Variants in DMXL2 observed in about 807,000 individuals in gnomAD.
DMXL2 encodes Dmx like 2, also known as dmX-like protein 2.
Under a neutral mutation model 331.1 loss-of-function variants are expected in DMXL2, and 103 were observed. The ratio of observed to expected loss-of-function variants is 0.31; its 90% confidence interval spans 0.27 to 0.37. The LOEUF (loss-of-function observed/expected upper bound fraction) is 0.37, where lower values mean the gene tolerates loss of function less well. Among genes scored for constraint, DMXL2 ranks in the 10% least tolerant of loss-of-function variants. The probability of loss-of-function intolerance (pLI) is 1.00; values close to 1 mark genes in which losing one functional copy is unlikely to be tolerated. For synonymous variants in DMXL2, 1,281 were observed against 1,252.1 expected, an observed-to-expected ratio of 1.02 and a Z score of -0.49; for missense variants, 3,171 against 3,642.9, an observed-to-expected ratio of 0.87 and a Z score of 3.33.
chr15:51,466,922 TAAAC>T (rs1225525722), intron 29 of DMXL2, among the ~76,000 whole-genome samples: 6 of 152,018 alleles, frequency 3.9e-5, no homozygotes, highest in African/African-American at 1.4e-4. Flanking sequence ...TAGTGGATAT[TAAAC>T]TAAGTAAGAA....
Position 51,553,824 on chromosome 15 carries a change from T to A in DMXL2, c.568-6416A>T, listed in dbSNP as rs192789540. Among the ~76,000 whole-genome samples, 6 of 152,076 alleles carry A rather than the reference T, an allele frequency of 3.9e-5. No homozygotes were observed. The East Asian group carries it at 1.2e-3, about 29-fold the overall frequency. ...AAAAGAGTAGAGTATACAATACCTA[T>A]AACATACAAAATGTGTTAATTTATT... On this transcript the variant is annotated intron_variant, in intron 6 of 43. Coordinates refer to ENST00000560891, the MANE Select transcript of DMXL2 (RefSeq NM_001378457.1).
In DMXL2 at chr15:51,542,524, G is replaced by C. The variant is rs2048656314; in HGVS notation, c.931-17C>G. The C allele has an allele frequency of 6.3e-7, 1 of 1,594,050 alleles. No homozygotes were observed. On this transcript the variant is annotated splice_polypyrimidine_tract_variant and intron_variant, in intron 8 of 43. Transcript: ENST00000560891. ...GTGTATTGTCTAAAATAGAAAAATA[G>C]TTGCTGAGTCCAACTCTGGAACCTC...
At chr15:51,587,806 T>C (rs934019159) in intron 1 of DMXL2, among the ~76,000 whole-genome samples, 2 of 152,196 alleles carry the variant, frequency 1.3e-5, no homozygotes, top group African/African-American at 4.8e-5. Flanking sequence ...GTGTTCCTAT[T>C]TCTCCACATC....
intron 31 of DMXL2, 94 bp from the exon 32 acceptor site, chr15:51,464,970 C>A: frequency 9.0e-7 from 1 of 1,106,970 alleles, no homozygotes. Context: ...GATAATACTT[C>A]TGAAAATACA....
chr15:51,616,390 C>A (rs2054287055), intron 1 of DMXL2, among the ~76,000 whole-genome samples: 1 of 152,068 alleles, frequency 6.6e-6, no homozygotes, highest in African/African-American at 2.4e-5. Flanking sequence ...AACCCACACA[C>A]ACAAAAATAA....
Position 51,466,183 on chromosome 15 carries a change from C to A in DMXL2, c.7520+1G>T. 1 of 1,553,434 alleles carries A rather than the reference C, an allele frequency of 6.4e-7. No individual in the cohort carries two copies. The highest frequency in any genetic ancestry group is 8.6e-7 in the Non-Finnish European group (1 of 1,159,974). On this transcript the variant is annotated splice_donor_variant, in intron 30 of 43. Transcript: ENST00000560891. LOFTEE classifies it high-confidence loss of function. ...ATGAGAGAAAGAAAAGTCTTATTTA[C>A]CTATAGGAATTTGGATCTTGGTGCT... is the stretch of plus-strand genomic sequence containing the variant.
chr15:51,587,648 T>A (rs545163122), intron 1 of DMXL2, among the ~76,000 whole-genome samples: 1 of 152,222 alleles, frequency 6.6e-6, no homozygotes, highest in African/African-American at 2.4e-5. Flanking sequence ...TGTGTCTTTA[T>A]AGCAGCATGA....
intron 23 of DMXL2, 58 bp from the exon 24 acceptor site, chr15:51,481,681 C>G: frequency 7.0e-7 from 1 of 1,430,142 alleles, no homozygotes; most frequent in Non-Finnish European, 9.4e-7. Flanking sequence ...ATTTACATTA[C>G]AAAACAATAA....
intron 3 of DMXL2, chr15:51,568,144 TCTC>T (rs937835377): frequency 1.6e-5 from 3 of 191,660 alleles, no homozygotes; most frequent in African/African-American, 7.1e-5. Context: ...AATGTCATGA[TCTC>T]CTCTGTTGAG....
intron 6 of DMXL2, among the ~76,000 whole-genome samples, chr15:51,559,636 G>A (rs62015963): frequency 6.0e-4 from 92 of 152,176 alleles, no homozygotes; most frequent in South Asian, 1.7e-3. Context: ...CAGGAGGATC[G>A]CTTGAGCCCA....
intron 17 of DMXL2, among the ~76,000 whole-genome samples, chr15:51,500,583 T>C (rs1216140041): frequency 6.6e-6 from 1 of 152,194 alleles, no homozygotes; most frequent in Non-Finnish European, 1.5e-5. Context: ...CTTCACAACA[T>C]GCCTCCTTAG....
At chr15:51,451,743 A>T in intron 41 of DMXL2, 46 bp from the exon 42 acceptor site, 6 of 1,521,104 alleles carry the variant, frequency 3.9e-6, no homozygotes, top group East Asian at 2.3e-5. Context: ...AATGATTGTT[A>T]TAAGTCGTCA....
intron 6 of DMXL2, among the ~76,000 whole-genome samples, chr15:51,557,138 T>C (rs972039378): frequency 6.6e-6 from 1 of 152,164 alleles, no homozygotes; most frequent in African/African-American, 2.4e-5. Flanking sequence ...ATTGTGTACA[T>C]ATAAAATCCA....
At chr15:51,457,696 T>G in intron 36 of DMXL2, 1 of 423,152 alleles carries the variant, frequency 2.4e-6, no homozygotes, top group African/African-American at 2.0e-5. Flanking sequence ...ACTTTATTGC[T>G]GCACAAGTTG....
intron 33 of DMXL2, among the ~76,000 whole-genome samples, chr15:51,461,836 G>A (rs1279223457): frequency 6.6e-6 from 1 of 152,096 alleles, no homozygotes; most frequent in Non-Finnish European, 1.5e-5. Flanking sequence ...CACTATGCCT[G>A]GCTAAAATCT....
At chr15:51,579,820 T>C (rs2051288847) in intron 1 of DMXL2, among the ~76,000 whole-genome samples, 1 of 152,122 alleles carries the variant, frequency 6.6e-6, no homozygotes. Context: ...ACCAAAGCCT[T>C]CCTTATAATT....
Position 51,449,112 on chromosome 15 carries a change from C to T in DMXL2, c.9049G>A (p.Ala3017Thr). ...AKQSIFRNIG[A>T]GVMQIDIIQG... ...ATGATGTCAATCTGCATGACTCCAG[C>T]CCCAATGTTTCGAAATATGGACTGC... Residue 3017 changes from alanine to threonine, a missense_variant, in exon 44 of 44, where the codon GCT becomes ACT. Coordinates refer to ENST00000560891, the MANE Select transcript of DMXL2 (RefSeq NM_001378457.1). The T allele has an allele frequency of 6.2e-7, 1 of 1,614,148 alleles. No individual in the cohort carries two copies. The highest frequency in any genetic ancestry group is 1.1e-5 in the South Asian group (1 of 91,080).
intron 33 of DMXL2, chr15:51,460,716 C>T (rs1398386446): frequency 1.3e-5 from 2 of 152,162 alleles, no homozygotes. Context: ...AAGATGTAAG[C>T]ACTCTTACTG....
chr15:51,563,432 T>C lies in DMXL2; in HGVS notation c.516A>G (p.Val172=). 6.2e-7 allele frequency: 1 copy of C among 1,609,030 alleles called. No homozygotes were observed. The highest frequency in any genetic ancestry group is 8.5e-7 in the Non-Finnish European group (1 of 1,177,676). ...CVWQCKTSVS[V]HLMEWSPDGE... ...CATCAGGAGACCATTCCATCAAATG[T>C]ACAGATACTGAGGTTCTAAAAAAGA... Residue 172 remains valine, a synonymous_variant, in exon 6 of 44, where the codon GTA becomes GTG. Transcript: ENST00000560891.
Sources: gnomAD v4.1 joint callset for allele counts (sites outside exome capture counted in the v4.1 genomes callset) on GRCh38, gnomAD v4.1.1 for gene constraint, MANE v1.5 for transcripts, NCBI Gene and HGNC (gene_info 2026-07-23, HGNC 2026-07-21) for gene names.